The following SLC38A11 variants were observed in gnomAD, a reference collection of about 807,000 sequenced individuals.
The protein encoded by SLC38A11 is putative sodium-coupled neutral amino acid transporter 11.
SLC38A11 carries 51 observed loss-of-function variants against 49.4 expected under a neutral mutation model. That is an observed-to-expected ratio of 1.03 (90% CI 0.83 to 1.30). The LOEUF is 1.30. Among genes scored for constraint, SLC38A11 ranks in the 50% most tolerant of loss-of-function variants. SLC38A11 has a pLI of 0.00. For missense variants in SLC38A11, 574 were observed against 556.2 expected, an observed-to-expected ratio of 1.03 and a Z score of -0.32; for synonymous variants, 203 against 192.9, an observed-to-expected ratio of 1.05 and a Z score of -0.43.
intron 5 of SLC38A11, among the ~76,000 whole-genome samples, chr2:164,942,460 G>GA (rs1363488594): frequency 1.3e-5 from 2 of 148,274 alleles, no homozygotes; most frequent in Non-Finnish European, 3.0e-5. Flanking sequence ...AAAACAGAGA[G>GA]AAAAGAGAGA....
In SLC38A11 at chr2:164,902,515, A is replaced by C. The variant is rs1017434924; in HGVS notation, c.1096-3785T>G. Among the ~76,000 whole-genome samples the C allele has an allele frequency of 2.0e-5, 3 of 152,204 alleles. No individual in the cohort carries two copies. In the East Asian group the frequency reaches 5.8e-4, roughly 29 times the overall value. ...ATTTGCAAGCATACACAAAAGTAGA[A>C]AGAATAGTATAATGAAATCCTATGC... On this transcript the variant is annotated intron_variant, in intron 11 of 11. Coordinates refer to ENST00000685975, the MANE Select transcript of SLC38A11 (RefSeq NM_001351537.2).
At position 164,942,059 on chromosome 2, in the gene SLC38A11, C is replaced by T. The variant is rs76198143; in HGVS notation, c.431-2503G>A. ...TTTCTGTTTTCTCCACTGGGCTTGT[C>T]TGTGTTTTCTAATATTTTTCAAATA... On this transcript the variant is annotated intron_variant, in intron 5 of 11. Transcript: ENST00000685975. Among the ~76,000 whole-genome samples the T allele has an allele frequency of 3.2e-3, 489 of 152,226 alleles. 2 individuals carry two copies. Among genetic ancestry groups the T allele is most frequent in the East Asian group, 0.03 (157 of 5,182 alleles).
At chr2:164,933,794 T>C (rs1559116187) in intron 7 of SLC38A11, among the ~76,000 whole-genome samples, 1 of 152,112 alleles carries the variant, frequency 6.6e-6, no homozygotes, top group Non-Finnish European at 1.5e-5. Flanking sequence ...CTAGCTACCA[T>C]GCCAACTCCT....
chr2:164,953,036 G>A, intron 2 of SLC38A11: 1 of 388,402 alleles, frequency 2.6e-6, no homozygotes, highest in East Asian at 5.8e-5. Flanking sequence ...TTAGAAAGCA[G>A]CAAATGAAAA....
intron 9 of SLC38A11, among the ~76,000 whole-genome samples, chr2:164,914,551 C>T (rs1016292480): frequency 4.0e-5 from 6 of 151,414 alleles, no homozygotes; most frequent in African/African-American, 9.7e-5. Flanking sequence ...ATGAAAGTAC[C>T]GGGAAATTTT....
chr2:164,953,312 C>T (rs931648305), intron 2 of SLC38A11: 1 of 152,076 alleles, frequency 6.6e-6, no homozygotes, highest in African/African-American at 2.4e-5. Context: ...TAAATTATTT[C>T]TTATAATTTT....
chr2:164,946,959 C>T (rs1192858124), intron 3 of SLC38A11, among the ~76,000 whole-genome samples: 3 of 151,994 alleles, frequency 2.0e-5, no homozygotes, highest in Non-Finnish European at 4.4e-5. Context: ...TTCTCGTTGT[C>T]GTTGTTGATC....
At chr2:164,917,097 C>T (rs577220308) in intron 7 of SLC38A11, among the ~76,000 whole-genome samples, 6 of 152,022 alleles carry the variant, frequency 3.9e-5, no homozygotes, top group Non-Finnish European at 7.4e-5. Context: ...TTAATAAAGG[C>T]AGCAAAAAGT....
Position 164,896,392 on chromosome 2 carries a change from G to C in SLC38A11, c.*2045C>G, listed in dbSNP as rs2105436144. ...GAAGCAACACCAAAGTACAAGATAA[G>C]AGATGGTTACGTGCTAAATTATGTT... On this transcript the variant is annotated 3_prime_UTR_variant, in exon 12 of 12. Transcript: ENST00000685975. 1 of 152,108 alleles carries C rather than the reference G, an allele frequency of 6.6e-6. No homozygotes were observed. The highest frequency in any genetic ancestry group is 1.9e-4 in the East Asian group (1 of 5,190). 9.4% of individuals were successfully genotyped at this position (152,108 alleles called of 1,614,324 possible). A position where few individuals can be genotyped will look rare whatever the true frequency, so the allele number is the denominator to read the frequency against.
intron 9 of SLC38A11, among the ~76,000 whole-genome samples, chr2:164,914,799 C>T (rs1685655460): frequency 6.6e-6 from 1 of 152,028 alleles, no homozygotes; most frequent in African/African-American, 2.4e-5. Flanking sequence ...CAAATCGAAG[C>T]TATTTGCTCT....
At chr2:164,903,858 G>A (rs903720129) in intron 11 of SLC38A11, among the ~76,000 whole-genome samples, 1 of 152,122 alleles carries the variant, frequency 6.6e-6, no homozygotes, top group African/African-American at 2.4e-5. Context: ...TTTATTGCCA[G>A]TACAGATTGA....
chr2:164,933,670 A>G (rs543733488), intron 7 of SLC38A11, among the ~76,000 whole-genome samples: 2 of 152,190 alleles, frequency 1.3e-5, no homozygotes, highest in East Asian at 3.9e-4. Context: ...AGGTTTTCTG[A>G]TCATTCATCT....
intron 11 of SLC38A11, 147 bp from the exon 12 acceptor site, chr2:164,898,877 A>T (rs1362147426): frequency 2.2e-5 from 15 of 691,214 alleles, no homozygotes; most frequent in Non-Finnish European, 3.5e-5. Flanking sequence ...GAGGAAAAAT[A>T]GTTCTAAGAA....
intron 5 of SLC38A11, among the ~76,000 whole-genome samples, chr2:164,943,637 G>A (rs1404257576): frequency 1.3e-5 from 2 of 152,102 alleles, no homozygotes; most frequent in Non-Finnish European, 2.9e-5. Flanking sequence ...AAACTGGAGG[G>A]AGTGATGGAA....
intron 11 of SLC38A11, among the ~76,000 whole-genome samples, chr2:164,900,581 T>C (rs1050229566): frequency 6.6e-6 from 1 of 152,162 alleles, no homozygotes; most frequent in Admixed American, 6.6e-5. Context: ...GTATACCTGT[T>C]GGCCATTTTC....
intron 7 of SLC38A11, among the ~76,000 whole-genome samples, chr2:164,923,889 C>T (rs1215248358): frequency 6.6e-6 from 1 of 151,960 alleles, no homozygotes; most frequent in African/African-American, 2.4e-5. Flanking sequence ...AGTGCAGCCA[C>T]TGTGGAAAGC....
At chr2:164,905,100 C>CATT (rs971154234) in intron 11 of SLC38A11, among the ~76,000 whole-genome samples, 31 of 150,618 alleles carry the variant, frequency 2.1e-4, no homozygotes, top group African/African-American at 5.6e-4. Flanking sequence ...TGGTAGCTCA[C>CATT]ATTATTATTA....
intron 9 of SLC38A11, chr2:164,912,413 C>G (rs1295209725): frequency 1.3e-5 from 2 of 152,078 alleles, no homozygotes; most frequent in East Asian, 1.9e-4. Flanking sequence ...GCTTTGTAAA[C>G]TGGTTTCTGG....
At position 164,896,794 on chromosome 2, in the gene SLC38A11, T is replaced by A; in HGVS notation, c.*1643A>T. ...TGGTTCTACCTGCTAAAATGCATCT[T>A]CCTTTATGTTCAATAGGCCTTTCTC... is the stretch of plus-strand genomic sequence containing the variant. On this transcript the variant is annotated 3_prime_UTR_variant, in exon 12 of 12. Coordinates refer to ENST00000685975, the MANE Select transcript of SLC38A11 (RefSeq NM_001351537.2). The A allele has an allele frequency of 6.6e-6, 1 of 152,148 alleles. No individual in the cohort carries two copies. Among genetic ancestry groups the A allele is most frequent in the Non-Finnish European group, 1.5e-5 (1 of 68,016 alleles). The allele number at this position is 152,148 out of a possible 1,614,324, so 9.4% of individuals were successfully genotyped here.
Sources: allele counts gnomAD v4.1 joint callset (sites outside exome capture counted in the v4.1 genomes callset), GRCh38; gene constraint gnomAD v4.1.1; transcripts MANE v1.5; gene names NCBI Gene and HGNC (gene_info 2026-07-23, HGNC 2026-07-21).